The following MLLT10 variants were observed in gnomAD, a reference collection of about 807,000 sequenced individuals.
MLLT10 encodes the protein protein AF-10.
Under a neutral mutation model 129.1 loss-of-function variants are expected in MLLT10, and 30 were observed. The observed-to-expected ratio is 0.23, with a 90% CI of 0.17 to 0.32. MLLT10 has a LOEUF of 0.32. Ranked by LOEUF, MLLT10 falls within the 10% of genes least tolerant of loss-of-function variation. The pLI, the probability that MLLT10 is intolerant of heterozygous loss-of-function variation, is 1.00. For synonymous variants in MLLT10, 490 were observed against 446.4 expected (o/e 1.10, Z -1.23); for missense variants, 1,119 against 1,268.3 (o/e 0.88, Z 1.79).
At chr10:21,605,086 TAAAA>T (rs55928488) in intron 5 of MLLT10, among the ~76,000 whole-genome samples, 4 of 138,854 alleles carry the variant, frequency 2.9e-5, no homozygotes, top group Admixed American at 7.3e-5. Flanking sequence ...CCCATCTCTT[TAAAA>T]AAAAAAAAAA....
Position 21,734,135 on chromosome 10 carries a change from A to AAACTT in MLLT10, c.2858+9_2858+13dup, listed in dbSNP as rs746689989. 1 of 1,585,992 alleles carries AAACTT rather than the reference A, an allele frequency of 6.3e-7. No homozygotes were observed. The highest frequency in any genetic ancestry group is 8.6e-7 in the Non-Finnish European group (1 of 1,164,684). ...CCAGCTACACTGACTAACAGGTAAG[A>AAACTT]AACTTAAGTATGTTTTGGGTTTTTT... On this transcript the variant is annotated splice_region_variant and intron_variant, in intron 20 of 22. Transcript: ENST00000307729.
intron 5 of MLLT10, among the ~76,000 whole-genome samples, chr10:21,602,028 G>T (rs2043584707): frequency 6.6e-6 from 1 of 152,156 alleles, no homozygotes; most frequent in African/African-American, 2.4e-5. Context: ...TGAGAAATCT[G>T]TGATTCTACA....
intron 3 of MLLT10, among the ~76,000 whole-genome samples, chr10:21,565,507 C>T (rs770083772): frequency 6.6e-6 from 1 of 151,516 alleles, no homozygotes; most frequent in Non-Finnish European, 1.5e-5. Context: ...CGGGGTTTCA[C>T]TGTGTTGACC....
chr10:21,563,443 A>C (rs1238614018), intron 3 of MLLT10, among the ~76,000 whole-genome samples: 5 of 151,984 alleles, frequency 3.3e-5, no homozygotes, highest in Non-Finnish European at 7.4e-5. Context: ...GAATTGCTTG[A>C]AACCAGGAGG....
intron 14 of MLLT10, among the ~76,000 whole-genome samples, chr10:21,721,667 C>T (rs1416470484): frequency 1.3e-5 from 2 of 152,208 alleles, no homozygotes; most frequent in Admixed American, 6.5e-5. Context: ...TTAGGAAATA[C>T]TAAGTTTCTT....
intron 13 of MLLT10, among the ~76,000 whole-genome samples, chr10:21,682,756 A>G (rs1435189886): frequency 1.3e-5 from 2 of 152,196 alleles, no homozygotes; most frequent in African/African-American, 4.8e-5. Flanking sequence ...GTGGAGTTGT[A>G]TCTTTTGCTG....
rs2033384568 is a variant in MLLT10 at position 21,534,344 on chromosome 10, T to C, written c.-177T>C. 9.3e-6 allele frequency: 3 copies of C among 323,806 alleles called. No individual in the cohort carries two copies. Among genetic ancestry groups the C allele is most frequent in the Non-Finnish European group, 1.7e-5 (3 of 172,804 alleles). 20.1% of individuals were successfully genotyped at this position (323,806 alleles called of 1,614,324 possible). A position where few individuals can be genotyped will look rare whatever the true frequency, so the allele number is the denominator to read the frequency against. On this transcript the variant is annotated 5_prime_UTR_variant, in exon 1 of 23. Coordinates refer to ENST00000307729, the MANE Select transcript of MLLT10 (RefSeq NM_001195626.3). ...CCAGTGCGCCTGTGCGGAGGCCCTC[T>C]TGATTATGTGTGCCCTCTCCGGGCG...
intron 8 of MLLT10, among the ~76,000 whole-genome samples, chr10:21,646,490 T>A (rs1425148810): frequency 6.6e-6 from 1 of 152,080 alleles, no homozygotes; most frequent in Non-Finnish European, 1.5e-5. Flanking sequence ...TTTTTTTTTT[T>A]AGGTTTTGGT....
rs2057514858 is a variant in MLLT10, at chr10:21,726,422, G to A, written c.1990+67G>A. ...CCTACTTTAATTTTTTTCCCCTTTTGGTTCATTTTATTTGAAAACATGCAG... is the reference window on the plus strand; with the variant it reads ...CCTACTTTAATTTTTTTCCCCTTTTAGTTCATTTTATTTGAAAACATGCAG... On this transcript the variant is annotated intron_variant, in intron 15 of 22. Coordinates refer to ENST00000307729, the MANE Select transcript of MLLT10 (RefSeq NM_001195626.3). 5.3e-6 allele frequency: 6 copies of A among 1,138,540 alleles called. No individual in the cohort carries two copies. In the Admixed American group the frequency reaches 9.8e-5, roughly 19 times the overall value. The allele number at this position is 1,138,540 out of a possible 1,614,324, so 70.5% of individuals were successfully genotyped here.
chr10:21,542,896 G>C (rs575968890), intron 3 of MLLT10, among the ~76,000 whole-genome samples: 38 of 152,052 alleles, frequency 2.5e-4, no homozygotes, highest in African/African-American at 8.9e-4. Flanking sequence ...AGAAAAAGAA[G>C]TTTTTGCAGG....
chr10:21,717,652 C>CCTCCTT (rs2056754979), intron 14 of MLLT10, among the ~76,000 whole-genome samples: 2 of 126,412 alleles, frequency 1.6e-5, no homozygotes, highest in Admixed American at 7.7e-5. Flanking sequence ...TCCTCCTCCT[C>CCTCCTT]TTCCTCCTCC....
At chr10:21,694,308 C>T (rs1303039149) in intron 13 of MLLT10, among the ~76,000 whole-genome samples, 3 of 152,050 alleles carry the variant, frequency 2.0e-5, no homozygotes, top group Admixed American at 6.6e-5. Flanking sequence ...GAGATCACAG[C>T]GTAGTTGTTT....
rs575387769 is a variant in MLLT10, at chr10:21,733,654, TG to T, written c.2496+64del. The T allele has an allele frequency of 9.3e-4, 1,349 of 1,454,038 alleles. 18 individuals carry two copies. In the South Asian group the frequency reaches 0.013, roughly 14 times the overall value. The allele number at this position is 1,454,038 out of a possible 1,614,324, so 90.1% of individuals were successfully genotyped here. ...TACTTGTGAATAATAGTATATTAAA[TG>T]GTTTAAAATTATTTTAAACAGTTTT... is the stretch of plus-strand genomic sequence containing the variant. On this transcript the variant is annotated intron_variant, in intron 19 of 22. Transcript: ENST00000307729.
chr10:21,724,172 A>G (rs1432049102), intron 14 of MLLT10, among the ~76,000 whole-genome samples: 1 of 152,246 alleles, frequency 6.6e-6, no homozygotes, highest in Admixed American at 6.5e-5. Flanking sequence ...TATTTTTAAT[A>G]AGAGGAAAAA....
chr10:21,651,232 C>T lies in MLLT10; in HGVS notation c.700-441C>T, dbSNP rs548368533. Among the ~76,000 whole-genome samples, 40 of 151,978 alleles carry T rather than the reference C, an allele frequency of 2.6e-4. No homozygotes were observed. In the South Asian group the frequency reaches 3.1e-3, roughly 12 times the overall value. On this transcript the variant is annotated intron_variant, in intron 8 of 22. Transcript: ENST00000307729. ...GATTACAGGTGCACACCACCATGCC[C>T]GGCTAATTTTTGTATTTTTAGTAGA...
chr10:21,689,862 C>G (rs1007750997), intron 13 of MLLT10, among the ~76,000 whole-genome samples: 1 of 151,334 alleles, frequency 6.6e-6, no homozygotes, highest in African/African-American at 2.4e-5. Flanking sequence ...ACAGAGTAAC[C>G]CAATAGTTTT....
intron 5 of MLLT10, among the ~76,000 whole-genome samples, chr10:21,607,044 GCCAGGAGTTTGAGA>G (rs2044133024): frequency 6.6e-6 from 1 of 152,140 alleles, no homozygotes; most frequent in Non-Finnish European, 1.5e-5. Flanking sequence ...ATTGCTTGAA[GCCAGGAGTTTGAGA>G]CCACCCAGGG....
chr10:21,595,365 A>T lies in MLLT10; in HGVS notation c.330A>T (p.Pro110=). 6.2e-7 allele frequency: 1 copy of T among 1,613,806 alleles called. No individual in the cohort carries two copies. The highest frequency in any genetic ancestry group is 8.5e-7 in the Non-Finnish European group (1 of 1,179,822). ...ATGTGGTTTGTGCCCTGTATATTCC[A>T]GAGGTACAATTTGCCAATGTTTCCA... is the stretch of plus-strand genomic sequence containing the variant. ...WAHVVCALYI[P]EVQFANVSTM... The change falls in exon 5 of 23, where the codon CCA becomes CCT. Residue 110 remains proline, a synonymous_variant. Coordinates refer to ENST00000307729, the MANE Select transcript of MLLT10 (RefSeq NM_001195626.3).
At position 21,584,166 on chromosome 10, in the gene MLLT10, C is replaced by A. The variant is rs369096900; in HGVS notation, c.241-2128C>A. 3.1e-3 allele frequency among the ~76,000 whole-genome samples: 461 copies of A among 148,882 alleles called. 3 individuals carry two copies. The highest frequency in any genetic ancestry group is 0.011 in the African/African-American group (428 of 40,286). On this transcript the variant is annotated intron_variant, in intron 3 of 22. Coordinates refer to ENST00000307729, the MANE Select transcript of MLLT10 (RefSeq NM_001195626.3). ...TACAGGCGTCAGCCACCGCGCCCAG[C>A]CTTTTTTTTTTTTTGAGATGGAGTT...
Sources: gnomAD v4.1 joint callset for allele counts (sites outside exome capture counted in the v4.1 genomes callset) on GRCh38, gnomAD v4.1.1 for gene constraint, MANE v1.5 for transcripts, NCBI Gene and HGNC (gene_info 2026-07-23, HGNC 2026-07-21) for gene names.